CADPS: variants seen among roughly 807,000 people sequenced by gnomAD.
CADPS encodes the protein calcium-dependent secretion activator 1.
CADPS carries 57 observed loss-of-function variants against 167.3 expected under a neutral mutation model. The observed-to-expected ratio is 0.34, with a 90% confidence interval of 0.28 to 0.42. The LOEUF (loss-of-function observed/expected upper bound fraction) is 0.42, where lower values mean the gene tolerates loss of function less well. Among genes scored for constraint, CADPS ranks in the 20% least tolerant of loss-of-function variants. The pLI is 1.00. For missense variants in CADPS, 1,414 were observed against 1,738.1 expected (o/e 0.81, Z 3.32); for synonymous variants, 676 against 635.3 (o/e 1.06, Z -0.96).
intron 6 of CADPS, among the ~76,000 whole-genome samples, chr3:62,610,663 A>G (rs2061382798): frequency 1.3e-5 from 2 of 152,134 alleles, no homozygotes; most frequent in South Asian, 4.1e-4. Flanking sequence ...ATGCTCCATG[A>G]TGGACTTGCT....
chr3:62,812,664 G>A (rs559348182), intron 1 of CADPS, among the ~76,000 whole-genome samples: 9 of 152,244 alleles, frequency 5.9e-5, no homozygotes, highest in African/African-American at 2.2e-4. Flanking sequence ...ACTCATAGGA[G>A]CAATTAAATG....
At chr3:62,846,376 T>C (rs1438657246) in intron 1 of CADPS, among the ~76,000 whole-genome samples, 1 of 152,202 alleles carries the variant, frequency 6.6e-6, no homozygotes, top group Non-Finnish European at 1.5e-5. Flanking sequence ...TTATTTCTCT[T>C]TTTATGATGT....
intron 9 of CADPS, among the ~76,000 whole-genome samples, chr3:62,569,890 G>A (rs763183027): frequency 2.6e-5 from 4 of 152,094 alleles, no homozygotes; most frequent in African/African-American, 9.7e-5. Context: ...AAATCCTGAT[G>A]CAAAAAATAA....
chr3:62,661,454 G>A (rs191217980), intron 4 of CADPS, among the ~76,000 whole-genome samples: 11 of 152,256 alleles, frequency 7.2e-5, no homozygotes, highest in Admixed American at 1.3e-4. Context: ...AAAGGGCCTG[G>A]TATATTTGGA....
intron 6 of CADPS, among the ~76,000 whole-genome samples, chr3:62,630,277 C>T (rs1039870669): frequency 1.3e-5 from 2 of 152,146 alleles, no homozygotes; most frequent in African/African-American, 2.4e-5. Context: ...CATCAAACTA[C>T]AGTCTTTAAT....
Position 62,765,874 on chromosome 3 carries a change from A to G in CADPS, c.552T>C (p.Tyr184=). 6.2e-7 allele frequency: 1 copy of G among 1,604,060 alleles called. No homozygotes were observed. Among genetic ancestry groups the G allele is most frequent in the Non-Finnish European group, 8.5e-7 (1 of 1,171,294 alleles). The change falls in exon 2 of 30, where the codon TAT becomes TAC. Residue 184 remains tyrosine, a synonymous_variant. Transcript: ENST00000383710. The stretch of plus-strand genomic sequence containing the variant: ...TCTTCTGAACAGTGATTCTCACCTC[A>G]TAGTAACTCTGCACAGCGTTCATGA... ...EAFMNAVQSY[Y]EVFLKSDRVA... is the part of the protein sequence containing the mutation.
rs531087753 is a variant in CADPS, at chr3:62,592,704, G to A, written c.1370C>T (p.Ala457Val). ...CTCTGTGAACAGCTTCACCTTCACA[G>A]CTGGCAGTGCATGGGTTGTGGAGAA... ...GDFSTTHALPAVKVKLFTEST... is the reference protein window; with the variant it reads ...GDFSTTHALPVVKVKLFTEST... Residue 457 changes from alanine to valine, a missense_variant, in exon 7 of 30, where the codon GCT becomes GTT. Physicochemically the swap from Ala to Val is moderately conservative, Grantham distance 64 (BLOSUM62 0). Around this residue, in one of 6 missense-constraint regions of CADPS, gnomAD observed 157 missense variants for 229.4 expected, o/e 0.68. Coordinates refer to ENST00000383710, the MANE Select transcript of CADPS (RefSeq NM_003716.4). 3.3e-5 allele frequency: 53 copies of A among 1,614,086 alleles called. No individual in the cohort carries two copies. Among genetic ancestry groups the A allele is most frequent in the South Asian group, 4.4e-5 (4 of 91,090 alleles).
At chr3:62,638,665 C>T (rs1055504019) in intron 6 of CADPS, among the ~76,000 whole-genome samples, 15 of 152,090 alleles carry the variant, frequency 9.9e-5, no homozygotes, top group East Asian at 1.9e-4. Context: ...GGAGTATCAA[C>T]GTCTAACTGA....
intron 1 of CADPS, among the ~76,000 whole-genome samples, chr3:62,811,089 T>C (rs2094371384): frequency 2.0e-5 from 3 of 152,196 alleles, no homozygotes; most frequent in African/African-American, 4.8e-5. Context: ...CAAGCTTTCT[T>C]AGAGGTTGAT....
intron 9 of CADPS, among the ~76,000 whole-genome samples, chr3:62,565,813 G>C (rs186748382): frequency 6.6e-6 from 1 of 152,116 alleles, no homozygotes; most frequent in Non-Finnish European, 1.5e-5. Flanking sequence ...TAGGAAGTCC[G>C]TTTATAGTCT....
rs1462511371 is a variant in CADPS, at chr3:62,433,324, T to C, written c.3777+4780A>G. The stretch of plus-strand genomic sequence containing the variant: ...ACTGGACAAATACACGATTTGAAAA[T>C]GGAACAGCAAATTAAAATCCGTGCG... On this transcript the variant is annotated intron_variant, in intron 28 of 29. Transcript: ENST00000383710. This position sits in a 1 kb window ranked among gnomAD's most constrained non-coding sequence, Gnocchi z 4.7. Among the ~76,000 whole-genome samples the C allele has an allele frequency of 1.3e-5, 2 of 152,080 alleles. No homozygotes were observed. Among genetic ancestry groups the C allele is most frequent in the Non-Finnish European group, 2.9e-5 (2 of 68,006 alleles).
intron 2 of CADPS, 47 bp downstream of exon 2, chr3:62,765,824 C>A: frequency 1.6e-6 from 2 of 1,274,234 alleles, no homozygotes; most frequent in Non-Finnish European, 1.1e-6. Context: ...ACTCCCCAGG[C>A]ATAGGGCTTG....
At chr3:62,447,610 C>G (rs2149997392) in intron 26 of CADPS, among the ~76,000 whole-genome samples, 1 of 152,298 alleles carries the variant, frequency 6.6e-6, no homozygotes, top group South Asian at 2.1e-4. Context: ...ATGACCAGTT[C>G]TGGCCTCAGG....
chr3:62,425,308 C>A (rs964619376), intron 28 of CADPS, among the ~76,000 whole-genome samples: 1 of 152,094 alleles, frequency 6.6e-6, no homozygotes, highest in African/African-American at 2.4e-5. Flanking sequence ...ACCGCCTATC[C>A]ATTAGATGCC....
At chr3:62,777,557 A>G (rs1242010189) in intron 1 of CADPS, among the ~76,000 whole-genome samples, 1 of 152,192 alleles carries the variant, frequency 6.6e-6, no homozygotes, top group African/African-American at 2.4e-5. Flanking sequence ...GTTAATAATA[A>G]TGTATCTGTA....
At chr3:62,654,344 TATA>T (rs1283152322) in intron 4 of CADPS, among the ~76,000 whole-genome samples, 1 of 152,066 alleles carries the variant, frequency 6.6e-6, no homozygotes, top group African/African-American at 2.4e-5. Context: ...GTAATGGAAG[TATA>T]ATGTGATGCA....
chr3:62,775,800 CACT>C (rs2090134982), intron 1 of CADPS, among the ~76,000 whole-genome samples: 1 of 151,756 alleles, frequency 6.6e-6, no homozygotes, highest in Non-Finnish European at 1.5e-5. Flanking sequence ...GTTACCATTT[CACT>C]GTATAGAATA....
At chr3:62,716,753 C>T (rs1057034425) in intron 3 of CADPS, among the ~76,000 whole-genome samples, 22 of 152,172 alleles carry the variant, frequency 1.4e-4, no homozygotes, top group Admixed American at 5.2e-4. Context: ...TTGTGACTAA[C>T]GCCTATCATG....
intron 19 of CADPS, 68 bp downstream of exon 19, chr3:62,493,577 T>G: frequency 8.1e-7 from 1 of 1,231,936 alleles, no homozygotes; most frequent in South Asian, 1.3e-5. Context: ...AGAGGGATAT[T>G]CTAACAGCCA....
Sources: gnomAD v4.1 joint callset for allele counts (sites outside exome capture counted in the v4.1 genomes callset) on GRCh38, gnomAD v4.1.1 for gene constraint, gnomAD v4.1.1 regional missense constraint, Gnocchi (gnomAD v3.1) non-coding constraint, MANE v1.5 for transcripts, NCBI Gene and HGNC (gene_info 2026-07-23, HGNC 2026-07-21) for gene names.